The following POC1B variants were observed in gnomAD, a reference collection of about 807,000 sequenced individuals.
POC1B encodes the protein POC1 centriolar protein homolog B.
POC1B carries 44 observed loss-of-function variants against 60.6 expected under a neutral mutation model. The ratio of observed to expected loss-of-function variants is 0.73; its 90% confidence interval spans 0.57 to 0.93. The LOEUF (loss-of-function observed/expected upper bound fraction) is 0.93, where lower values mean the gene tolerates loss of function less well. Among genes scored for constraint, POC1B ranks in the 40% least tolerant of loss-of-function variants. The pLI is 0.00. For synonymous variants in POC1B, 180 were observed against 198.9 expected (o/e 0.90, Z 0.80); for missense variants, 555 against 572.3 (o/e 0.97, Z 0.31).
At chr12:89,525,019 C>G (rs1369713740) in intron 2 of POC1B, 101 bp downstream of exon 2, 20 of 1,527,128 alleles carry the variant, frequency 1.3e-5, no homozygotes, top group African/African-American at 4.1e-5. Flanking sequence ...CTCATACAGG[C>G]CCTTAGCCGT....
At chr12:89,445,935 T>A in intron 10 of POC1B, among the ~76,000 whole-genome samples, 1 of 151,982 alleles carries the variant, frequency 6.6e-6, no homozygotes, top group East Asian at 1.9e-4. Flanking sequence ...AATCAAAAAA[T>A]GGGCAAAGGA....
At chr12:89,506,251 G>A (rs1869889571) in intron 2 of POC1B, among the ~76,000 whole-genome samples, 1 of 152,220 alleles carries the variant, frequency 6.6e-6, no homozygotes, top group South Asian at 2.1e-4. Context: ...GTGCCCTTGG[G>A]CAAGTTATTC....
chr12:89,525,790 C>T lies in POC1B; in HGVS notation c.15+91G>A, dbSNP rs1871425104. 1.6e-5 allele frequency: 22 copies of T among 1,384,824 alleles called. No homozygotes were observed. The East Asian group carries it at 6.2e-4, about 39-fold the overall frequency. 85.8% of individuals were successfully genotyped at this position (1,384,824 alleles called of 1,614,324 possible). ...GGCTACGGACACCTGCCTCCATCTCCCTCCAGGTGCGGCTTCGGCCCGGAC... is the reference window on the plus strand; with the variant it reads ...GGCTACGGACACCTGCCTCCATCTCTCTCCAGGTGCGGCTTCGGCCCGGAC... On this transcript the variant is annotated intron_variant, in intron 1 of 11. Transcript: ENST00000313546.
At chr12:89,408,301 T>C in the POC1B span, among the ~76,000 whole-genome samples, 10 of 152,222 alleles carry the variant, frequency 6.6e-5, no homozygotes, top group African/African-American at 2.4e-4. Flanking sequence ...GAATGAATTA[T>C]AATCCTGTGG....
intron 2 of POC1B, chr12:89,521,763 T>C (rs1870898335): frequency 5.5e-6 from 2 of 363,158 alleles, no homozygotes; most frequent in Non-Finnish European, 9.8e-6. Context: ...TGCTAGGAGA[T>C]TGAAAGCACC....
chr12:89,524,997 G>A (rs553341403), intron 2 of POC1B, 123 bp downstream of exon 2: 2 of 1,413,906 alleles, frequency 1.4e-6, no homozygotes, highest in East Asian at 5.0e-5. Flanking sequence ...TCGTCTCCGG[G>A]TGCTCTCAAC....
chr12:89,468,797 C>A (rs1250460318), intron 7 of POC1B, among the ~76,000 whole-genome samples: 4 of 152,012 alleles, frequency 2.6e-5, no homozygotes, highest in Non-Finnish European at 5.9e-5. Context: ...CCAGGCAGAA[C>A]CTGTGAAAAA....
chr12:89,497,440 G>A, intron 2 of POC1B, 98 bp from the exon 3 acceptor site: 1 of 1,270,466 alleles, frequency 7.9e-7, no homozygotes, highest in Non-Finnish European at 1.1e-6. Flanking sequence ...AAGGCATCCA[G>A]GTAATAGAGC....
At chr12:89,490,337 T>C (rs1169275105) in intron 4 of POC1B, among the ~76,000 whole-genome samples, 1 of 151,764 alleles carries the variant, frequency 6.6e-6, no homozygotes, top group Non-Finnish European at 1.5e-5. Context: ...GTTGTTGTTG[T>C]TGTTTGTTTG....
At chr12:89,442,312 C>G (rs1226842348) in intron 10 of POC1B, among the ~76,000 whole-genome samples, 1 of 152,042 alleles carries the variant, frequency 6.6e-6, no homozygotes, top group Non-Finnish European at 1.5e-5. Context: ...GTCAGATTCA[C>G]CAAAGTTGAA....
At chr12:89,524,633 G>C (rs559637260) in intron 2 of POC1B, 40 of 1,421,444 alleles carry the variant, frequency 2.8e-5, no homozygotes, top group East Asian at 1.1e-4. Flanking sequence ...CTCGAGCTCA[G>C]GTACTTCCCA....
intron 2 of POC1B, among the ~76,000 whole-genome samples, chr12:89,498,266 T>A (rs1869358542): frequency 6.6e-6 from 1 of 152,176 alleles, no homozygotes; most frequent in East Asian, 1.9e-4. Flanking sequence ...TTTAAGGATT[T>A]ACAAAAAGGA....
rs974142827 is a variant in POC1B, at chr12:89,514,469, C to A, written c.100+10651G>T. ...TGTCGTCCAGGCTGGAGTACAGCGG[C>A]ATGATCTCGGCTCATTGCAGCCTTT... On this transcript the variant is annotated intron_variant, in intron 2 of 11. Transcript: ENST00000313546. Among the ~76,000 whole-genome samples, 4 of 126,700 alleles carry A rather than the reference C, an allele frequency of 3.2e-5. No individual in the cohort carries two copies. In the Admixed American group the frequency reaches 3.8e-4, roughly 12 times the overall value. 83.1% of individuals were successfully genotyped at this position (126,700 alleles called of 152,430 possible). A position where few individuals can be genotyped will look rare whatever the true frequency, so the allele number is the denominator to read the frequency against.
intron 10 of POC1B, among the ~76,000 whole-genome samples, chr12:89,457,882 G>A (rs903857399): frequency 1.3e-5 from 2 of 152,030 alleles, no homozygotes; most frequent in Non-Finnish European, 2.9e-5. Context: ...TATATTCCTC[G>A]AGTTATGGTC....
chr12:89,445,366 G>A (rs1565899633), intron 10 of POC1B, among the ~76,000 whole-genome samples: 1 of 151,998 alleles, frequency 6.6e-6, no homozygotes, highest in Non-Finnish European at 1.5e-5. Context: ...ATACTACAAG[G>A]GTACAGGAAC....
At chr12:89,434,057 C>T (rs1756917466) in intron 10 of POC1B, among the ~76,000 whole-genome samples, 1 of 152,186 alleles carries the variant, frequency 6.6e-6, no homozygotes, top group African/African-American at 2.4e-5. Flanking sequence ...TAGGAACATA[C>T]TCATCTGATC....
At chr12:89,473,910 A>G (rs917765124) in intron 4 of POC1B, among the ~76,000 whole-genome samples, 1 of 151,644 alleles carries the variant, frequency 6.6e-6, no homozygotes, top group Non-Finnish European at 1.5e-5. Flanking sequence ...TGGCATAATA[A>G]TTATAAAAAA....
At position 89,519,170 on chromosome 12, in the gene POC1B, G is replaced by A. The variant is rs1870641016; in HGVS notation, c.100+5950C>T. On this transcript the variant is annotated intron_variant, in intron 2 of 11. Transcript: ENST00000313546. Reference sequence around the variant, plus strand: ...TTTATAGTGGTCCAAGTGGGCCCCAGAGATCCCAGATCATTTCTAGTTTGC... The same window carrying A: ...TTTATAGTGGTCCAAGTGGGCCCCAAAGATCCCAGATCATTTCTAGTTTGC... 2.0e-5 allele frequency among the ~76,000 whole-genome samples: 3 copies of A among 152,298 alleles called. No homozygotes were observed. In the South Asian group the frequency reaches 6.2e-4, roughly 32 times the overall value.
At chr12:89,415,345 T>C (rs934692967), downstream of POC1B, among the ~76,000 whole-genome samples, 3 of 152,174 alleles carry the variant, frequency 2.0e-5, no homozygotes, top group African/African-American at 7.2e-5. Context: ...ACAAAATGAT[T>C]TATTAATAAC....
Sources: gnomAD v4.1 joint callset for allele counts (sites outside exome capture counted in the v4.1 genomes callset) on GRCh38, gnomAD v4.1.1 for gene constraint, MANE v1.5 for transcripts, NCBI Gene and HGNC (gene_info 2026-07-23, HGNC 2026-07-21) for gene names.